Variants in MAP7 observed in about 807,000 individuals in gnomAD.
The protein encoded by MAP7 is microtubule associated protein 7.
In MAP7, 52 loss-of-function variants were observed where a neutral mutation model predicts 94.8. The ratio of observed to expected loss-of-function variants is 0.55; its 90% CI spans 0.44 to 0.69. The LOEUF (loss-of-function observed/expected upper bound fraction) is 0.69, where lower values mean the gene tolerates loss of function less well. MAP7 is among the 30% of genes least tolerant of loss of function. The pLI, the probability that MAP7 is intolerant of heterozygous loss-of-function variation, is 0.00. For synonymous variants in MAP7, 350 were observed against 357.0 expected (o/e 0.98, Z 0.22); for missense variants, 940 against 964.6 (o/e 0.97, Z 0.34).
intron 1 of MAP7, among the ~76,000 whole-genome samples, chr6:136,433,401 A>G (rs1364105080): frequency 1.3e-5 from 2 of 152,210 alleles, no homozygotes; most frequent in Non-Finnish European, 2.9e-5. Context: ...TTCTGTCAGC[A>G]TCTACACCTG....
chr6:136,541,045 G>A (rs1829268631), intron 1 of MAP7, among the ~76,000 whole-genome samples: 1 of 152,196 alleles, frequency 6.6e-6, no homozygotes, highest in Admixed American at 6.5e-5. Flanking sequence ...CTAATTTGGA[G>A]CATCTACCAT....
chr6:136,519,704 G>A lies in MAP7; in HGVS notation c.67+30638C>T, dbSNP rs150359098. Reference sequence around the variant, plus strand: ...ATACACATTTTAACAAAGTGGGGGCGGGGGAGTACAGTTTCTCAGAACCAC... The same window carrying A: ...ATACACATTTTAACAAAGTGGGGGCAGGGGAGTACAGTTTCTCAGAACCAC... On this transcript the variant is annotated intron_variant, in intron 1 of 17. Transcript: ENST00000354570. Among the ~76,000 whole-genome samples, 19 of 152,264 alleles carry A rather than the reference G, an allele frequency of 1.2e-4. No individual in the cohort carries two copies. The East Asian group carries it at 3.3e-3, about 26-fold the overall frequency.
At chr6:136,504,525 A>T (rs577124439) in intron 1 of MAP7, among the ~76,000 whole-genome samples, 1 of 152,092 alleles carries the variant, frequency 6.6e-6, no homozygotes, top group East Asian at 1.9e-4. Context: ...TTGTATTTTT[A>T]GTAGAGACAG....
intron 1 of MAP7, among the ~76,000 whole-genome samples, chr6:136,546,597 A>C (rs891344609): frequency 2.0e-5 from 3 of 152,124 alleles, no homozygotes; most frequent in African/African-American, 7.2e-5. Flanking sequence ...GCCGGAAGTG[A>C]TTCCTCCTTC....
chr6:136,440,299 C>T (rs1400786009), intron 1 of MAP7, among the ~76,000 whole-genome samples: 2 of 152,016 alleles, frequency 1.3e-5, no homozygotes, highest in African/African-American at 2.4e-5. Context: ...ATAATTAAAA[C>T]GTAATGTAGT....
Position 136,527,203 on chromosome 6 carries a change from A to C in MAP7, c.67+23139T>G, listed in dbSNP as rs141655417. On this transcript the variant is annotated intron_variant, in intron 1 of 17. Coordinates refer to ENST00000354570, the MANE Select transcript of MAP7 (RefSeq NM_003980.6). The stretch of plus-strand genomic sequence containing the variant: ...TTTCTTCAAAGCACAGAATCATGTG[A>C]CTATTGTTTTCTCCTGAAATAAGCT... Among the ~76,000 whole-genome samples the C allele has an allele frequency of 7.3e-3, 1,117 of 152,262 alleles. 18 individuals carry two copies. The highest frequency in any genetic ancestry group is 0.025 in the African/African-American group (1,040 of 41,528).
chr6:136,449,725 A>AG (rs1019665805), intron 1 of MAP7, among the ~76,000 whole-genome samples: 1 of 152,240 alleles, frequency 6.6e-6, no homozygotes, highest in African/African-American at 2.4e-5. Flanking sequence ...CTTAATTTAA[A>AG]GGGGGGCAGA....
chr6:136,458,521 A>G (rs1452530442), intron 1 of MAP7, among the ~76,000 whole-genome samples: 3 of 152,154 alleles, frequency 2.0e-5, no homozygotes, highest in Admixed American at 1.3e-4. Flanking sequence ...ATTTCAAAGT[A>G]GATTACAAAG....
chr6:136,510,813 A>G (rs368768928), intron 1 of MAP7, among the ~76,000 whole-genome samples: 2 of 152,132 alleles, frequency 1.3e-5, no homozygotes, highest in East Asian at 1.9e-4. Context: ...TAGTATATAC[A>G]TATAGGGGTT....
chr6:136,469,601 G>A (rs1454905454), intron 1 of MAP7, among the ~76,000 whole-genome samples: 1 of 152,064 alleles, frequency 6.6e-6, no homozygotes, highest in Non-Finnish European at 1.5e-5. Flanking sequence ...TGCCCAGGCT[G>A]GTCTTGAACT....
intron 1 of MAP7, among the ~76,000 whole-genome samples, chr6:136,427,311 A>AT (rs1320559326): frequency 6.6e-6 from 1 of 152,204 alleles, no homozygotes; most frequent in African/African-American, 2.4e-5. Context: ...GGTAGGGCAT[A>AT]TTTTTGAAGG....
At chr6:136,479,768 T>A in intron 1 of MAP7, among the ~76,000 whole-genome samples, 1 of 151,866 alleles carries the variant, frequency 6.6e-6, no homozygotes, top group African/African-American at 2.4e-5. Context: ...ACAAATAAAA[T>A]ACCCAGAAAT....
chr6:136,389,855 C>CT (rs568773769), intron 3 of MAP7, among the ~76,000 whole-genome samples: 4 of 152,106 alleles, frequency 2.6e-5, no homozygotes, highest in Non-Finnish European at 4.4e-5. Flanking sequence ...CCATCTGTCT[C>CT]TTTTTTTTAT....
At chr6:136,433,044 G>A (rs1362024385) in intron 1 of MAP7, among the ~76,000 whole-genome samples, 4 of 151,968 alleles carry the variant, frequency 2.6e-5, no homozygotes, top group African/African-American at 4.8e-5. Context: ...CTGGCTTTAA[G>A]AAAGAAATGT....
chr6:136,372,611 T>C lies in MAP7; in HGVS notation c.766A>G (p.Ile256Val), dbSNP rs1774892614. ...LSGEAASCSP[I>V]IMPYKAAHSR... is the part of the protein sequence containing the mutation. ...TGTGCAGCTTTGTAGGGCATGATGA[T>C]GGGGCTGCAAGATGCTGAACGAGGA... Residue 256 changes from isoleucine to valine, a missense_variant, in exon 8 of 18, where the codon ATC becomes GTC. Coordinates refer to ENST00000354570, the MANE Select transcript of MAP7 (RefSeq NM_003980.6). 1 of 1,614,114 alleles carries C rather than the reference T, an allele frequency of 6.2e-7. No individual in the cohort carries two copies. Among genetic ancestry groups the C allele is most frequent in the Non-Finnish European group, 8.5e-7 (1 of 1,179,992 alleles).
intron 1 of MAP7, among the ~76,000 whole-genome samples, chr6:136,514,040 G>A (rs187481122): frequency 1.3e-5 from 2 of 152,166 alleles, no homozygotes; most frequent in African/African-American, 4.8e-5. Context: ...ATCCCCGCTG[G>A]AGTCAATAGG....
chr6:136,505,267 GTGTGTGTGTGTATATATATA>G (rs1389830024), intron 1 of MAP7, among the ~76,000 whole-genome samples: 2 of 104,880 alleles, frequency 1.9e-5, no homozygotes, highest in Admixed American at 1.9e-4. Context: ...GTGTGTGTGT[GTGTGTGTGTGTATATATATA>G]TATATATATA....
chr6:136,426,496 T>C (rs1793196172), intron 1 of MAP7, among the ~76,000 whole-genome samples: 1 of 151,842 alleles, frequency 6.6e-6, no homozygotes, highest in African/African-American at 2.4e-5. Context: ...CCCACAGAGG[T>C]TTAATAACCA....
chr6:136,468,207 T>C (rs929391068), intron 1 of MAP7, among the ~76,000 whole-genome samples: 15 of 152,226 alleles, frequency 9.9e-5, no homozygotes, highest in Non-Finnish European at 2.2e-4. Context: ...TTTTTCTTTT[T>C]ATCCTTCTTA....
Sources: gnomAD v4.1 joint callset for allele counts (sites outside exome capture counted in the v4.1 genomes callset) on GRCh38, gnomAD v4.1.1 for gene constraint, MANE v1.5 for transcripts, NCBI Gene and HGNC (gene_info 2026-07-23, HGNC 2026-07-21) for gene names.